NPAS2: variants seen among roughly 807,000 people sequenced by gnomAD.
The protein encoded by NPAS2 is neuronal PAS domain-containing protein 2.
A neutral mutation model predicts 107.5 loss-of-function variants in NPAS2; 23 were observed. That is an observed-to-expected ratio of 0.21 (90% CI 0.15 to 0.30). The LOEUF (loss-of-function observed/expected upper bound fraction) is 0.30. NPAS2 is among the 10% of genes least tolerant of loss of function. The pLI is 1.00. For synonymous variants in NPAS2, 403 were observed against 417.5 expected (o/e 0.97, Z 0.42); for missense variants, 756 against 1,043.3 (o/e 0.72, Z 3.79).
At chr2:100,893,985 C>G (rs566172702) in intron 1 of NPAS2, among the ~76,000 whole-genome samples, 5 of 152,208 alleles carry the variant, frequency 3.3e-5, no homozygotes, top group Non-Finnish European at 7.3e-5. Flanking sequence ...AGCTGCTAGT[C>G]CCTGGGGGAG....
In NPAS2 at chr2:100,919,595, C is replaced by T. The variant is rs564992610; in HGVS notation, c.33-5551C>T. Among the ~76,000 whole-genome samples, 8 of 152,308 alleles carry T rather than the reference C, an allele frequency of 5.3e-5. No homozygotes were observed. The South Asian group carries it at 1.7e-3, about 32-fold the overall frequency. ...TCCCCTTTAAGTTGGGTCCCTCATC[C>T]TTTCCTGAGGACCCATTTCATTTCC... On this transcript the variant is annotated intron_variant, in intron 2 of 20. Coordinates refer to ENST00000335681, the MANE Select transcript of NPAS2 (RefSeq NM_002518.4).
intron 1 of NPAS2, among the ~76,000 whole-genome samples, chr2:100,874,850 C>T (rs1275178045): frequency 6.6e-6 from 1 of 152,192 alleles, no homozygotes; most frequent in East Asian, 1.9e-4. Flanking sequence ...GCCGTTTCCT[C>T]CAGGCTGTCT....
rs1256864574 is a variant in NPAS2, at chr2:100,925,228, A to T, written c.115A>T (p.Asn39Tyr). The T allele has an allele frequency of 6.2e-7, 1 of 1,614,160 alleles. No individual in the cohort carries two copies. ...IKELSSMLPG[N>Y]TRKMDKTTVL... Reference sequence around the variant, plus strand: ...AGAGCTCAGTTCCATGCTCCCTGGCAACACGCGGAAAATGGACAAAACCAC... The same window carrying T: ...AGAGCTCAGTTCCATGCTCCCTGGCTACACGCGGAAAATGGACAAAACCAC... Residue 39 changes from asparagine (N) to tyrosine (Y), a missense_variant, in exon 3 of 21, where the codon AAC (asparagine) becomes TAC (tyrosine). Asn to Tyr is a moderately radical substitution (Grantham distance 143, BLOSUM62 -2). Coordinates refer to ENST00000335681, the MANE Select transcript of NPAS2 (RefSeq NM_002518.4).
In NPAS2 at chr2:100,977,640, C is replaced by G. The variant is rs1677106932; in HGVS notation, c.1393-70C>G. The G allele has an allele frequency of 2.2e-6, 3 of 1,384,610 alleles. No individual in the cohort carries two copies. The East Asian group carries it at 6.8e-5, about 32-fold the overall frequency. The allele number at this position is 1,384,610 out of a possible 1,614,324, so 85.8% of individuals were successfully genotyped here. ...TGCGGAACGCAGAGAACCCACCGGA[C>G]CAAGAGACCACATCCCTGTCCCCTG... On this transcript the variant is annotated intron_variant, in intron 14 of 20. Transcript: ENST00000335681.
intron 1 of NPAS2, among the ~76,000 whole-genome samples, chr2:100,871,469 T>G (rs948165621): frequency 4.6e-5 from 7 of 152,120 alleles, no homozygotes; most frequent in African/African-American, 1.7e-4. Flanking sequence ...TAGCTGGAAT[T>G]ACAGGCACAT....
intron 6 of NPAS2, 97 bp from the exon 7 acceptor site, chr2:100,949,270 C>T (rs1158389628): frequency 2.6e-6 from 2 of 765,322 alleles, no homozygotes; most frequent in African/African-American, 3.5e-5. Flanking sequence ...CATGTGTAGA[C>T]TAAATCCCAT....
rs142866120 is a variant in NPAS2, at chr2:100,937,170, G to A, written c.274-583G>A. Among the ~76,000 whole-genome samples, 109 of 152,186 alleles carry A rather than the reference G, an allele frequency of 7.2e-4. 1 individual carries two copies. The highest frequency in any genetic ancestry group is 3.5e-3 in the Admixed American group (54 of 15,292). Reference sequence around the variant, plus strand: ...ATGCTTACGGATCCAGTTGAGTTACGCAACCCCCACACCCACCCAGCCCTG... The same window carrying A: ...ATGCTTACGGATCCAGTTGAGTTACACAACCCCCACACCCACCCAGCCCTG... On this transcript the variant is annotated intron_variant, in intron 4 of 20. Transcript: ENST00000335681.
chr2:100,852,213 G>T lies in NPAS2; in HGVS notation c.-23+31799G>T, dbSNP rs557227243. The stretch of plus-strand genomic sequence containing the variant: ...AGATCAAGACCATCCTGGCTAACAC[G>T]GTGAAACCCCGTCTCTCCTAAAAAA... On this transcript the variant is annotated intron_variant, in intron 1 of 20. Transcript: ENST00000335681. 1.4e-4 allele frequency among the ~76,000 whole-genome samples: 21 copies of T among 152,060 alleles called. No individual in the cohort carries two copies. In the South Asian group the frequency reaches 3.9e-3, roughly 29 times the overall value.
chr2:100,888,495 C>T (rs11883853), intron 1 of NPAS2, among the ~76,000 whole-genome samples: 3,054 of 152,200 alleles, frequency 0.02, 102 homozygotes, highest in African/African-American at 0.069. Context: ...TTGAATGCTA[C>T]GATATGGAAC....
intron 1 of NPAS2, among the ~76,000 whole-genome samples, chr2:100,879,568 G>A (rs1186483621): frequency 6.6e-6 from 1 of 151,030 alleles, no homozygotes; most frequent in Non-Finnish European, 1.5e-5. Flanking sequence ...TTTTAATTCC[G>A]CATGTAAGTG....
At position 100,877,080 on chromosome 2, in the gene NPAS2, A is replaced by G. The variant is rs560452876; in HGVS notation, c.-22-27653A>G. Among the ~76,000 whole-genome samples, 149 of 152,350 alleles carry G rather than the reference A, an allele frequency of 9.8e-4. 1 individual carries two copies. Among genetic ancestry groups the G allele is most frequent in the African/African-American group, 3.4e-3 (141 of 41,584 alleles). On this transcript the variant is annotated intron_variant, in intron 1 of 20. Coordinates refer to ENST00000335681, the MANE Select transcript of NPAS2 (RefSeq NM_002518.4). ...TGGATCAAGTTCCTCCTGATGACCAAGCCACCAAAGAGAGCTGATGGTTAT... is the reference window on the plus strand; with the variant it reads ...TGGATCAAGTTCCTCCTGATGACCAGGCCACCAAAGAGAGCTGATGGTTAT...
rs144635561 is a variant in NPAS2 at position 100,829,008 on chromosome 2, T to G, written c.-23+8594T>G. Among the ~76,000 whole-genome samples the G allele has an allele frequency of 5.3e-5, 8 of 152,346 alleles. No homozygotes were observed. The East Asian group carries it at 1.5e-3, about 29-fold the overall frequency. On this transcript the variant is annotated intron_variant, in intron 1 of 20. Coordinates refer to ENST00000335681, the MANE Select transcript of NPAS2 (RefSeq NM_002518.4). ...GGGCAGTATGAGCATTTTAATAATA[T>G]TGATTCTTCCAATCCATGAGCATGG...
chr2:100,925,415 G>A (rs1427076084), intron 3 of NPAS2, 121 bp downstream of exon 3: 11 of 1,043,428 alleles, frequency 1.1e-5, no homozygotes, highest in Admixed American at 4.8e-5. Context: ...CTTACCGGTC[G>A]AGGGCTTCCC....
At position 100,993,489 on chromosome 2, in the gene NPAS2, G is replaced by A. The variant is rs1431116164; in HGVS notation, c.2254G>A (p.Ala752Thr). The part of the protein sequence containing the change: ...PASQPSPLQP[A>T]QARQQPPQHY... ...CTCCCAACCATCGCCCCTGCAGCCT[G>A]CACAGGCCCGGCAGCAGCCACCGCA... The change falls in exon 20 of 21, where the codon GCA (alanine) becomes ACA (threonine). Residue 752 changes from alanine to threonine, a missense_variant. Coordinates refer to ENST00000335681, the MANE Select transcript of NPAS2 (RefSeq NM_002518.4). 1 of 1,601,966 alleles carries A rather than the reference G, an allele frequency of 6.2e-7. No homozygotes were observed. Among genetic ancestry groups the A allele is most frequent in the East Asian group, 2.3e-5 (1 of 44,106 alleles).
rs1300880310 is a variant in NPAS2 at position 100,982,305 on chromosome 2, T to C, written c.1557T>C (p.Asn519=). ...LEQRTRILQA[N]IRWQQEELHK... ...AGCGGACGCGGATCCTGCAGGCCAATATCCGGTGGCAACAGGAAGAGCTCC... is the reference window on the plus strand; with the variant it reads ...AGCGGACGCGGATCCTGCAGGCCAACATCCGGTGGCAACAGGAAGAGCTCC... The change falls in exon 16 of 21, where the codon AAT becomes AAC. Residue 519 remains asparagine (N), a synonymous_variant. Coordinates refer to ENST00000335681, the MANE Select transcript of NPAS2 (RefSeq NM_002518.4). 8 of 1,614,030 alleles carry C rather than the reference T, an allele frequency of 5.0e-6. No homozygotes were observed. Among genetic ancestry groups the C allele is most frequent in the Non-Finnish European group, 6.8e-6 (8 of 1,180,022 alleles).
At chr2:100,936,087 A>G (rs910120377) in intron 4 of NPAS2, among the ~76,000 whole-genome samples, 2 of 152,202 alleles carry the variant, frequency 1.3e-5, no homozygotes, top group Admixed American at 1.3e-4. Flanking sequence ...TAAGAAACGT[A>G]CTTGAATCTG....
chr2:100,866,369 T>C (rs1291657892), intron 1 of NPAS2, among the ~76,000 whole-genome samples: 2 of 152,352 alleles, frequency 1.3e-5, no homozygotes, highest in East Asian at 1.9e-4. Flanking sequence ...ACTTTTGTTT[T>C]ATCTACCCTC....
intron 7 of NPAS2, among the ~76,000 whole-genome samples, chr2:100,956,025 C>T (rs1389792814): frequency 6.6e-6 from 1 of 152,130 alleles, no homozygotes; most frequent in Non-Finnish European, 1.5e-5. Context: ...CCACCTCAGC[C>T]TCCCGGGTAG....
At chr2:100,971,885 G>T (rs138581710) in intron 12 of NPAS2, among the ~76,000 whole-genome samples, 2 of 151,468 alleles carry the variant, frequency 1.3e-5, no homozygotes, top group African/African-American at 2.4e-5. Flanking sequence ...AAGGGAGGGA[G>T]TGTTGTATTT....
Sources: allele counts gnomAD v4.1 joint callset (sites outside exome capture counted in the v4.1 genomes callset), GRCh38; gene constraint gnomAD v4.1.1; transcripts MANE v1.5; gene names NCBI Gene and HGNC (gene_info 2026-07-23, HGNC 2026-07-21).